Variants in SLC24A2 observed in about 807,000 individuals in gnomAD.
SLC24A2 encodes solute carrier family 24 member 2, also known as sodium/potassium/calcium exchanger 2.
Under a neutral mutation model 62.0 loss-of-function variants are expected in SLC24A2, and 36 were observed. That is an observed-to-expected ratio of 0.58 (90% CI 0.44 to 0.77). SLC24A2 has a LOEUF of 0.77. Ranked by LOEUF, SLC24A2 falls within the 30% of genes least tolerant of loss-of-function variation. The probability of loss-of-function intolerance (pLI) is 0.00; values close to 1 mark genes in which losing one functional copy is unlikely to be tolerated. For missense variants in SLC24A2, 846 were observed against 817.9 expected, an observed-to-expected ratio of 1.03 and a Z score of -0.42; for synonymous variants, 358 against 294.0, an observed-to-expected ratio of 1.22 and a Z score of -2.23.
At chr9:19,759,272 G>A (rs1419101503) in intron 2 of SLC24A2, among the ~76,000 whole-genome samples, 1 of 152,086 alleles carries the variant, frequency 6.6e-6, no homozygotes, top group Admixed American at 6.6e-5. Context: ...ACCATATCTG[G>A]GTTTCTCAGT....
chr9:19,803,729 T>C, the SLC24A2 span, among the ~76,000 whole-genome samples: 3 of 152,176 alleles, frequency 2.0e-5, no homozygotes, highest in Non-Finnish European at 2.9e-5. Context: ...GAGAAATATT[T>C]GCACCTCAGT....
At chr9:19,797,121 C>A in the SLC24A2 span, among the ~76,000 whole-genome samples, 2 of 152,208 alleles carry the variant, frequency 1.3e-5, no homozygotes, top group African/African-American at 4.8e-5. Context: ...TTGCATATTT[C>A]TATTACAGTT....
the SLC24A2 span, among the ~76,000 whole-genome samples, chr9:20,192,461 T>G: frequency 6.6e-6 from 1 of 152,116 alleles, no homozygotes; most frequent in Admixed American, 6.5e-5. Flanking sequence ...AGATACATCT[T>G]GTAGAGGAGG....
the SLC24A2 span, among the ~76,000 whole-genome samples, chr9:20,035,958 C>G: frequency 6.6e-6 from 1 of 151,818 alleles, no homozygotes; most frequent in East Asian, 1.9e-4. Context: ...GATAGGAGTC[C>G]TAAGGAAGAA....
At chr9:19,714,671 T>C (rs1024233232) in intron 2 of SLC24A2, among the ~76,000 whole-genome samples, 5 of 152,192 alleles carry the variant, frequency 3.3e-5, no homozygotes, top group African/African-American at 1.2e-4. Flanking sequence ...TACAACATGA[T>C]GTTATGAAAT....
At chr9:19,830,178 A>C in the SLC24A2 span, among the ~76,000 whole-genome samples, 1 of 152,114 alleles carries the variant, frequency 6.6e-6, no homozygotes, top group Non-Finnish European at 1.5e-5. Flanking sequence ...GAGCCCACTG[A>C]CATCACCTAT....
chr9:19,959,271 A>T, the SLC24A2 span, among the ~76,000 whole-genome samples: 80 of 152,358 alleles, frequency 5.3e-4, no homozygotes, highest in Non-Finnish European at 1.1e-3. Flanking sequence ...CAATTGTGGC[A>T]TGCAGAGAGA....
the SLC24A2 span, among the ~76,000 whole-genome samples, chr9:20,103,440 G>GGGT: frequency 8.5e-5 from 13 of 152,304 alleles, no homozygotes; most frequent in South Asian, 2.7e-3. Flanking sequence ...CTAACTGGGA[G>GGGT]GCACCCCCCA....
intron 6 of SLC24A2, among the ~76,000 whole-genome samples, chr9:19,573,802 G>C (rs113711066): frequency 1.3e-5 from 2 of 152,188 alleles, no homozygotes; most frequent in African/African-American, 4.8e-5. Flanking sequence ...CCCATGATAT[G>C]CCTTTCTTGA....
chr9:20,129,928 T>TACGCACACAC, the SLC24A2 span, among the ~76,000 whole-genome samples: 1 of 141,908 alleles, frequency 7.0e-6, no homozygotes, highest in Non-Finnish European at 1.5e-5. Context: ...TATAATTTAC[T>TACGCACACAC]ACACACACAC....
the SLC24A2 span, among the ~76,000 whole-genome samples, chr9:20,090,018 G>A: frequency 1.3e-5 from 2 of 152,146 alleles, no homozygotes; most frequent in Non-Finnish European, 2.9e-5. Flanking sequence ...TCTCTGTGTT[G>A]GTGCTACCCA....
intron 2 of SLC24A2, among the ~76,000 whole-genome samples, chr9:19,733,965 A>G (rs1821419415): frequency 6.6e-6 from 1 of 152,172 alleles, no homozygotes; most frequent in Non-Finnish European, 1.5e-5. Context: ...AATGGAAAAG[A>G]AAGGGGTGGG....
chr9:20,124,250 T>C, the SLC24A2 span, among the ~76,000 whole-genome samples: 1 of 151,574 alleles, frequency 6.6e-6, no homozygotes, highest in African/African-American at 2.4e-5. Context: ...TGTTTGATTA[T>C]AGTAGGAAAG....
At chr9:19,914,257 A>G in the SLC24A2 span, among the ~76,000 whole-genome samples, 1 of 152,086 alleles carries the variant, frequency 6.6e-6, no homozygotes, top group Non-Finnish European at 1.5e-5. Context: ...ATATCTCCCT[A>G]CACAGCTCAT....
chr9:19,679,701 G>A (rs976116103), intron 2 of SLC24A2, among the ~76,000 whole-genome samples: 3 of 152,080 alleles, frequency 2.0e-5, no homozygotes, highest in African/African-American at 7.2e-5. Context: ...TGATGCTCCT[G>A]GTTCTTGGGC....
the SLC24A2 span, among the ~76,000 whole-genome samples, chr9:20,179,541 G>A: frequency 5.9e-5 from 9 of 152,174 alleles, no homozygotes; most frequent in Non-Finnish European, 1.2e-4. Flanking sequence ...ACAGAAGCTA[G>A]GGAGCCCTCC....
chr9:20,276,286 G>A, the SLC24A2 span, among the ~76,000 whole-genome samples: 79 of 152,326 alleles, frequency 5.2e-4, 1 homozygote, highest in Middle Eastern at 3.4e-3. Flanking sequence ...CCAAATGGGA[G>A]AAATTGGCCA....
intron 2 of SLC24A2, among the ~76,000 whole-genome samples, chr9:19,703,240 C>G (rs16937744): frequency 0.18 from 26,639 of 152,106 alleles, 4,283 homozygotes; most frequent in African/African-American, 0.43. Context: ...GATACTGTAT[C>G]CATTTTACAG....
the SLC24A2 span, among the ~76,000 whole-genome samples, chr9:19,847,105 A>T: frequency 1.3e-5 from 2 of 152,208 alleles, no homozygotes; most frequent in Non-Finnish European, 2.9e-5. Context: ...GACATTATGT[A>T]ATTATTATAT....
Sources: gnomAD v4.1 joint callset for allele counts (sites outside exome capture counted in the v4.1 genomes callset) on GRCh38, gnomAD v4.1.1 for gene constraint, MANE v1.5 for transcripts, NCBI Gene and HGNC (gene_info 2026-07-23, HGNC 2026-07-21) for gene names.